Variants in RHOBTB1 observed in about 807,000 individuals in gnomAD.
The protein encoded by RHOBTB1 is rho-related BTB domain-containing protein 1.
In RHOBTB1, 40 loss-of-function variants were observed where a neutral mutation model predicts 71.6. The observed-to-expected ratio is 0.56, with a 90% CI of 0.43 to 0.73. The LOEUF is 0.73. Among genes scored for constraint, RHOBTB1 ranks in the 30% least tolerant of loss-of-function variants. RHOBTB1 has a pLI of 0.00. For missense variants in RHOBTB1, 797 were observed against 894.0 expected (o/e 0.89, Z 1.38); for synonymous variants, 319 against 334.9 (o/e 0.95, Z 0.52).
intron 4 of RHOBTB1, among the ~76,000 whole-genome samples, chr10:60,900,952 C>A (rs1035243701): frequency 2.6e-5 from 4 of 152,102 alleles, no homozygotes; most frequent in African/African-American, 9.7e-5. Context: ...AATAATAATG[C>A]ATTAATAATT....
At chr10:60,989,028 C>T (rs1330765872) in intron 1 of RHOBTB1, among the ~76,000 whole-genome samples, 1 of 152,144 alleles carries the variant, frequency 6.6e-6, no homozygotes, top group Admixed American at 6.6e-5. Flanking sequence ...ATTCAATGCT[C>T]TAAAAATTAT....
At position 60,871,308 on chromosome 10, in the gene RHOBTB1, T is replaced by G; in HGVS notation, c.*174A>C. The stretch of plus-strand genomic sequence containing the variant: ...CCTTTTTGTCCAGGCTCATTGATGG[T>G]GAGCTTGTGCTTTGATCCTAACAAA... On this transcript the variant is annotated 3_prime_UTR_variant, in exon 11 of 11. Transcript: ENST00000337910. 1.0e-5 allele frequency: 6 copies of G among 580,826 alleles called. No individual in the cohort carries two copies. Among genetic ancestry groups the G allele is most frequent in the Non-Finnish European group, 5.8e-6 (2 of 342,438 alleles). 36.0% of individuals were successfully genotyped at this position (580,826 alleles called of 1,614,324 possible). A position where few individuals can be genotyped will look rare whatever the true frequency, so the allele number is the denominator to read the frequency against.
At chr10:60,874,825 G>A in intron 9 of RHOBTB1, 129 bp downstream of exon 9, 1 of 686,300 alleles carries the variant, frequency 1.5e-6, no homozygotes, top group East Asian at 2.7e-5. Flanking sequence ...TCTTCTTAGT[G>A]TACACAGGGG....
downstream of RHOBTB1, among the ~76,000 whole-genome samples, chr10:60,867,026 G>T (rs569553502): frequency 2.0e-5 from 3 of 152,052 alleles, no homozygotes; most frequent in African/African-American, 4.8e-5. Flanking sequence ...TTTGTGTTTC[G>T]CTTCCATTCA....
rs565244354 is a variant in RHOBTB1, at chr10:60,971,800, C to A, written c.-62+14045G>T. Reference sequence around the variant, plus strand: ...AAAATTTTGCAATCTATCCATCTGACAAACTGCTAATATCCAGAATCTACA... The same window carrying A: ...AAAATTTTGCAATCTATCCATCTGAAAAACTGCTAATATCCAGAATCTACA... On this transcript the variant is annotated intron_variant, in intron 2 of 11. Coordinates refer to the RHOBTB1 transcript ENST00000357917. 4.2e-3 allele frequency among the ~76,000 whole-genome samples: 647 copies of A among 152,274 alleles called. 1 individual carries two copies. Among genetic ancestry groups the A allele is most frequent in the Non-Finnish European group, 7.1e-3 (484 of 68,022 alleles).
intron 2 of RHOBTB1, among the ~76,000 whole-genome samples, chr10:60,950,734 C>T (rs193009970): frequency 3.3e-5 from 5 of 152,304 alleles, no homozygotes; most frequent in South Asian, 2.1e-4. Flanking sequence ...AGTGTAAAAA[C>T]GGGCTCATTA....
intron 2 of RHOBTB1, among the ~76,000 whole-genome samples, 176 bp downstream of exon 2, chr10:60,941,628 A>C (rs2084908061): frequency 6.6e-6 from 1 of 152,222 alleles, no homozygotes; most frequent in African/African-American, 2.4e-5. Context: ...CTCCCAGAGT[A>C]AGCAATAATT....
At chr10:60,933,517 C>T (rs535882448) in intron 2 of RHOBTB1, among the ~76,000 whole-genome samples, 6 of 151,846 alleles carry the variant, frequency 4.0e-5, no homozygotes, top group Non-Finnish European at 8.8e-5. Context: ...GTCAGGAGTT[C>T]GAGACCAGCC....
intron 2 of RHOBTB1, 101 bp from the exon 3 acceptor site, chr10:60,911,653 C>T: frequency 2.3e-6 from 2 of 886,122 alleles, no homozygotes; most frequent in Non-Finnish European, 3.6e-6. Context: ...CCAGCCACTT[C>T]CTTGGAGGTG....
At chr10:60,994,536 A>G (rs1346637071) in intron 1 of RHOBTB1, among the ~76,000 whole-genome samples, 1 of 151,808 alleles carries the variant, frequency 6.6e-6, no homozygotes, top group East Asian at 1.9e-4. Context: ...CACATTTTCC[A>G]TAATACTTCA....
At chr10:60,945,434 T>C (rs566200589), upstream of RHOBTB1, among the ~76,000 whole-genome samples, 1 of 152,304 alleles carries the variant, frequency 6.6e-6, no homozygotes, top group East Asian at 1.9e-4. Flanking sequence ...CATCCTATTA[T>C]AAGGGATGCT....
chr10:60,988,332 C>A (rs2086739709), intron 1 of RHOBTB1, among the ~76,000 whole-genome samples: 1 of 152,078 alleles, frequency 6.6e-6, no homozygotes, highest in African/African-American at 2.4e-5. Context: ...ATTTTATATT[C>A]AAGGGATACA....
intron 6 of RHOBTB1, among the ~76,000 whole-genome samples, chr10:60,886,904 G>T (rs2081611861): frequency 6.6e-6 from 1 of 151,158 alleles, no homozygotes; most frequent in South Asian, 2.1e-4. Context: ...AGATAGCATG[G>T]CACTTCACTC....
rs1257011824 is a variant in RHOBTB1, at chr10:60,871,608, C to A, written c.1965G>T (p.Trp655Cys). 2 of 1,614,084 alleles carry A rather than the reference C, an allele frequency of 1.2e-6. No homozygotes were observed. Among genetic ancestry groups the A allele is most frequent in the East Asian group, 2.2e-5 (1 of 44,876 alleles). Reference sequence around the variant, plus strand: ...GGTAGTGATCTTCTTCCTTCAGGTACCACACAGGGGGCCAGCGGTGCCGCT... The same window carrying A: ...GGTAGTGATCTTCTTCCTTCAGGTAACACACAGGGGGCCAGCGGTGCCGCT... The part of the protein sequence containing the change: ...YFERHRWPPV[W>C]YLKEEDHYQR... The change falls in exon 11 of 11, where the codon TGG (tryptophan) becomes TGT (cysteine). Residue 655 changes from tryptophan (W) to cysteine (C), a missense_variant. Transcript: ENST00000337910.
chr10:60,969,472 C>A (rs993714470), intron 2 of RHOBTB1, among the ~76,000 whole-genome samples: 1 of 151,992 alleles, frequency 6.6e-6, no homozygotes, highest in Non-Finnish European at 1.5e-5. Context: ...GGAAGGAAAA[C>A]AGAAGAAATA....
At chr10:60,981,909 A>G (rs932968605) in intron 2 of RHOBTB1, among the ~76,000 whole-genome samples, 1 of 152,054 alleles carries the variant, frequency 6.6e-6, no homozygotes, top group African/African-American at 2.4e-5. Flanking sequence ...AGCTGGGATT[A>G]CAGGTGTGCA....
intron 1 of RHOBTB1, among the ~76,000 whole-genome samples, chr10:61,000,233 A>G (rs971665221): frequency 6.6e-6 from 1 of 152,208 alleles, no homozygotes; most frequent in Non-Finnish European, 1.5e-5. Flanking sequence ...AGAAATCTAC[A>G]GCCTTCCTCC....
In RHOBTB1 at chr10:61,001,043, A is replaced by AGTGT. The variant is rs146849672; in HGVS notation, c.-163+352_-163+355dup. On this transcript the variant is annotated intron_variant, in intron 1 of 11. Transcript: ENST00000357917. ...CCCTCTGGCCACCCCCGCCTCCGCC[A>AGTGT]GTGTGTGTGTGTGTGTGAGTGCGCG... Among the ~76,000 whole-genome samples the AGTGT allele has an allele frequency of 4.1e-3, 618 of 149,526 alleles. 4 individuals are homozygous for AGTGT. Among genetic ancestry groups the AGTGT allele is most frequent in the Non-Finnish European group, 7.1e-3 (479 of 67,146 alleles).
chr10:60,875,254 G>T (rs1040230834), intron 8 of RHOBTB1, among the ~76,000 whole-genome samples: 4 of 152,152 alleles, frequency 2.6e-5, no homozygotes, highest in African/African-American at 7.2e-5. Context: ...CACCTCTGGG[G>T]ACTCTAGTTC....
Sources: allele counts gnomAD v4.1 joint callset (sites outside exome capture counted in the v4.1 genomes callset), GRCh38; gene constraint gnomAD v4.1.1; transcripts MANE v1.5; gene names NCBI Gene and HGNC (gene_info 2026-07-23, HGNC 2026-07-21).